Variants in HTR2C observed in about 807,000 individuals in gnomAD.
The protein encoded by HTR2C is 5-hydroxytryptamine (serotonin) receptor 2C, G protein-coupled.
Under a neutral mutation model 21.0 loss-of-function variants are expected in HTR2C, and 5 were observed. The observed-to-expected ratio is 0.24, with a 90% CI of 0.12 to 0.50. HTR2C has a LOEUF of 0.50. Among genes scored for constraint, HTR2C ranks in the 20% least tolerant of loss-of-function variants. The pLI is 0.98. For missense variants in HTR2C, 271 were observed against 371.2 expected (o/e 0.73, Z 2.22); for synonymous variants, 150 against 145.3 (o/e 1.03, Z -0.23).
chrX:114,828,860 G>A (rs2070698559), intron 4 of HTR2C, among the ~76,000 whole-genome samples: 1 of 111,878 alleles, frequency 8.9e-6, no homozygotes, highest in South Asian at 3.7e-4. Flanking sequence ...CTTTCACTTA[G>A]CATGATGCTT....
At chrX:114,690,631 A>G (rs1440460439) in intron 2 of HTR2C, among the ~76,000 whole-genome samples, 1 of 111,642 alleles carries the variant, frequency 9.0e-6, no homozygotes, top group Non-Finnish European at 1.9e-5. Context: ...TTTATACCAT[A>G]ATGAGCAAAT....
intron 2 of HTR2C, among the ~76,000 whole-genome samples, chrX:114,702,391 G>A (rs868912135): frequency 2.7e-5 from 3 of 109,992 alleles, no homozygotes; most frequent in African/African-American, 9.8e-5. Flanking sequence ...CCAGAAGAGA[G>A]TGGGGGCCAA....
intron 4 of HTR2C, among the ~76,000 whole-genome samples, chrX:114,847,223 G>T (rs1359990292): frequency 9.1e-6 from 1 of 109,395 alleles, no homozygotes; most frequent in Non-Finnish European, 1.9e-5. Context: ...TTAAGAAAAT[G>T]TGGCACATAT....
At chrX:114,808,228 T>C (rs1273291445) in intron 4 of HTR2C, among the ~76,000 whole-genome samples, 1 of 111,498 alleles carries the variant, frequency 9.0e-6, no homozygotes, top group Non-Finnish European at 1.9e-5. Context: ...GTGAAGTTTG[T>C]CTTTCTGTGC....
chrX:114,673,237 A>G (rs1931444683), intron 2 of HTR2C, among the ~76,000 whole-genome samples: 1 of 112,501 alleles, frequency 8.9e-6, no homozygotes, highest in Admixed American at 9.5e-5. Context: ...TAATTCCAGG[A>G]AACAAAAACC....
intron 4 of HTR2C, among the ~76,000 whole-genome samples, chrX:114,749,638 A>T (rs368687278): frequency 3.2e-4 from 35 of 109,584 alleles, no homozygotes; most frequent in African/African-American, 1.2e-3. Flanking sequence ...CTAAGTGGGG[A>T]TCTAAAAGAT....
chrX:114,808,636 C>G, intron 4 of HTR2C, among the ~76,000 whole-genome samples: 1 of 111,346 alleles, frequency 9.0e-6, no homozygotes, highest in South Asian at 3.8e-4. Flanking sequence ...TTGTTATTGC[C>G]TGTCTTTTAG....
At chrX:114,781,971 C>T (rs181020613) in intron 4 of HTR2C, among the ~76,000 whole-genome samples, 2 of 109,108 alleles carry the variant, frequency 1.8e-5, no homozygotes, top group African/African-American at 6.7e-5. Flanking sequence ...TTAAGAAGAC[C>T]AATGATTACC....
intron 4 of HTR2C, among the ~76,000 whole-genome samples, chrX:114,761,036 A>AT (rs1420241433): frequency 3.6e-5 from 4 of 111,256 alleles, no homozygotes; most frequent in Non-Finnish European, 7.5e-5. Flanking sequence ...TTTTAGTAGC[A>AT]TTTTTTTTCT....
chrX:114,782,553 CAA>C (rs1434854866), intron 4 of HTR2C, among the ~76,000 whole-genome samples: 1 of 110,027 alleles, frequency 9.1e-6, no homozygotes, highest in African/African-American at 3.3e-5. Flanking sequence ...CCTGTCTCCA[CAA>C]AAAAATTAAA....
chrX:114,799,585 A>G (rs1188874354), intron 4 of HTR2C, among the ~76,000 whole-genome samples: 1 of 111,081 alleles, frequency 9.0e-6, no homozygotes, highest in Non-Finnish European at 1.9e-5. Context: ...GCCTTTTTCA[A>G]TATCTTAAAT....
intron 4 of HTR2C, among the ~76,000 whole-genome samples, chrX:114,834,386 T>G (rs2070760073): frequency 9.5e-6 from 1 of 105,774 alleles, no homozygotes; most frequent in Non-Finnish European, 1.9e-5. Flanking sequence ...TGGGTGCTCC[T>G]GTATTGGGTG....
intron 4 of HTR2C, chrX:114,775,677 C>T: frequency 3.4e-6 from 2 of 582,997 alleles, no homozygotes; most frequent in Non-Finnish European, 5.6e-6. Context: ...CCATAAGCAA[C>T]AGCTTCATCA....
chrX:114,802,153 G>C (rs908874438), intron 4 of HTR2C, among the ~76,000 whole-genome samples: 9 of 110,829 alleles, frequency 8.1e-5, no homozygotes, highest in African/African-American at 3.0e-4. Flanking sequence ...TTGAGGCACC[G>C]TAATTTTGGA....
chrX:114,887,315 C>T (rs1161953775), intron 5 of HTR2C, among the ~76,000 whole-genome samples: 4 of 111,143 alleles, frequency 3.6e-5, no homozygotes, highest in Admixed American at 9.6e-5. Flanking sequence ...CACGGCCTTT[C>T]CTGGCTCTAT....
chrX:114,708,655 A>T (rs1272444258), intron 2 of HTR2C, among the ~76,000 whole-genome samples: 1 of 110,615 alleles, frequency 9.0e-6, no homozygotes, highest in African/African-American at 3.3e-5. Flanking sequence ...AATTTTTTTT[A>T]AATCAACCAG....
chrX:114,691,536 A>C (rs1197054219), intron 2 of HTR2C, among the ~76,000 whole-genome samples: 2 of 111,721 alleles, frequency 1.8e-5, no homozygotes, highest in African/African-American at 6.5e-5. Context: ...TTTTGATTAT[A>C]TTCTCTACCA....
At chrX:114,847,604 AG>A (rs1348862972) in intron 4 of HTR2C, among the ~76,000 whole-genome samples, 2 of 108,014 alleles carry the variant, frequency 1.9e-5, no homozygotes, top group African/African-American at 6.7e-5. Flanking sequence ...TAAAAAAAAA[AG>A]ATAAAAAGCA....
intron 5 of HTR2C, among the ~76,000 whole-genome samples, chrX:114,868,018 T>A (rs1467446540): frequency 9.8e-6 from 1 of 101,688 alleles, no homozygotes; most frequent in Non-Finnish European, 2.0e-5. Context: ...AATTTTAGAA[T>A]TTTTTTTTTC....
Sources: allele counts gnomAD v4.1 joint callset (sites outside exome capture counted in the v4.1 genomes callset), GRCh38; gene constraint gnomAD v4.1.1; transcripts MANE v1.5; gene names NCBI Gene and HGNC (gene_info 2026-07-23, HGNC 2026-07-21).